Variants in NSDHL observed in about 807,000 individuals in gnomAD.
NSDHL encodes the protein sterol-4-alpha-carboxylate 3-dehydrogenase, decarboxylating.
NSDHL carries 1 observed loss-of-function variant against 23.0 expected under a neutral mutation model. The ratio of observed to expected loss-of-function variants is 0.04; its 90% CI spans 0.02 to 0.21. NSDHL has a LOEUF of 0.21. Among genes scored for constraint, NSDHL ranks in the 10% least tolerant of loss-of-function variants. The probability of loss-of-function intolerance (pLI) is 1.00; values close to 1 mark genes in which losing one functional copy is unlikely to be tolerated. For missense variants in NSDHL, 237 were observed against 300.9 expected, an observed-to-expected ratio of 0.79 and a Z score of 1.57; for synonymous variants, 128 against 121.1, an observed-to-expected ratio of 1.06 and a Z score of -0.37.
chrX:152,851,707 T>C (rs1246894316), intron 3 of NSDHL, among the ~76,000 whole-genome samples: 2 of 110,508 alleles, frequency 1.8e-5, no homozygotes, highest in African/African-American at 3.3e-5. Flanking sequence ...ACCCTCAGAC[T>C]GTACAAACCC....
rs188523350 is a variant in NSDHL at position 152,851,868 on chromosome X, C to T, written c.267+1445C>T. 1.8e-4 allele frequency among the ~76,000 whole-genome samples: 20 copies of T among 111,338 alleles called. No individual in the cohort carries two copies. The East Asian group carries it at 4.0e-3, about 22-fold the overall frequency. ...TAGATGACCCTACCAATGCCCTCGCCTCTCTCATCCTTGGCCTCCTCTCAC... is the reference window on the plus strand; with the variant it reads ...TAGATGACCCTACCAATGCCCTCGCTTCTCTCATCCTTGGCCTCCTCTCAC... On this transcript the variant is annotated intron_variant, in intron 3 of 7. Transcript: ENST00000370274.
rs1173801713 is a variant in NSDHL at position 152,858,757 on chromosome X, T to G, written c.268-13T>G. ...AGCAGGAATGATTATTTTGTCTTTC[T>G]TTGCTTTTCCAGGATCTGTACCCAG... On this transcript the variant is annotated splice_polypyrimidine_tract_variant and intron_variant, in intron 3 of 7. Coordinates refer to ENST00000370274, the MANE Select transcript of NSDHL (RefSeq NM_015922.3). 4 of 1,207,687 alleles carry G rather than the reference T, an allele frequency of 3.3e-6. No homozygotes were observed. The highest frequency in any genetic ancestry group is 3.4e-6 in the Non-Finnish European group (3 of 892,728).
chrX:152,853,977 C>A (rs1294514486), intron 3 of NSDHL, among the ~76,000 whole-genome samples: 2 of 112,541 alleles, frequency 1.8e-5, no homozygotes, highest in Non-Finnish European at 3.8e-5. Flanking sequence ...CAGAGGAAAT[C>A]TCTGAAATTT....
chrX:152,866,969 A>G lies in NSDHL; in HGVS notation c.687-602A>G, dbSNP rs782404865. On this transcript the variant is annotated intron_variant, in intron 6 of 7. Coordinates refer to ENST00000370274, the MANE Select transcript of NSDHL (RefSeq NM_015922.3). ...AGCAATGGGCCCCGGGTCAAAGGCC[A>G]GGGCTTGACTGTCCTTGCATCTGGG... is the stretch of plus-strand genomic sequence containing the variant. 8.9e-5 allele frequency among the ~76,000 whole-genome samples: 10 copies of G among 111,846 alleles called. No individual in the cohort carries two copies. In the South Asian group the frequency reaches 3.7e-3, roughly 42 times the overall value.
rs782365081 is a variant in NSDHL, at chrX:152,850,246, C to T, written c.109-19C>T. 17 of 1,207,547 alleles carry T rather than the reference C, an allele frequency of 1.4e-5. No individual in the cohort carries two copies. Among genetic ancestry groups the T allele is most frequent in the Middle Eastern group, 2.4e-4 (1 of 4,223 alleles). ...TCCTCACTACCCTGGTCTTCCCCAC[C>T]GTTCCTCTCTTTCCACAGGCCAAGA... is the stretch of plus-strand genomic sequence containing the variant. On this transcript the variant is annotated intron_variant, in intron 2 of 7. Coordinates refer to ENST00000370274, the MANE Select transcript of NSDHL (RefSeq NM_015922.3).
intron 1 of NSDHL, among the ~76,000 whole-genome samples, chrX:152,842,925 T>C (rs1315488972): frequency 8.9e-6 from 1 of 111,947 alleles, no homozygotes; most frequent in Non-Finnish European, 1.9e-5. Flanking sequence ...ACATGGTGAA[T>C]TTAGGTGAGT....
At chrX:152,835,847 T>G (rs1325222728) in intron 1 of NSDHL, among the ~76,000 whole-genome samples, 4 of 112,064 alleles carry the variant, frequency 3.6e-5, no homozygotes, top group Non-Finnish European at 7.5e-5. Flanking sequence ...AAATGGTATT[T>G]CTAGTTCTAG....
chrX:152,850,139 C>A, intron 2 of NSDHL, 126 bp from the exon 3 acceptor site: 2 of 719,337 alleles, frequency 2.8e-6, no homozygotes, highest in Non-Finnish European at 4.4e-6. Context: ...TCCAACTTGG[C>A]TCAAGAAGAG....
At chrX:152,854,131 C>T (rs1196415942) in intron 3 of NSDHL, among the ~76,000 whole-genome samples, 1 of 112,229 alleles carries the variant, frequency 8.9e-6, no homozygotes, top group African/African-American at 3.2e-5. Context: ...GCTGTTGTTG[C>T]TAGTATGTTA....
chrX:152,842,054 T>C (rs1259628827), intron 1 of NSDHL, among the ~76,000 whole-genome samples: 7 of 112,564 alleles, frequency 6.2e-5, no homozygotes, highest in Non-Finnish European at 1.3e-4. Context: ...TCATTCCTTT[T>C]TATGGCTGAA....
At chrX:152,857,862 CAT>C (rs1181634831) in intron 3 of NSDHL, among the ~76,000 whole-genome samples, 12 of 111,548 alleles carry the variant, frequency 1.1e-4, no homozygotes, top group Non-Finnish European at 1.9e-4. Flanking sequence ...AAAAAAAAAT[CAT>C]GTGATTGTAT....
At chrX:152,866,884 A>G (rs189129355) in intron 6 of NSDHL, among the ~76,000 whole-genome samples, 48 of 112,121 alleles carry the variant, frequency 4.3e-4, no homozygotes, top group Middle Eastern at 4.6e-3. Context: ...CCTCTCAGGT[A>G]GGCTGGGAAG....
At chrX:152,839,094 T>C (rs1161022343) in intron 1 of NSDHL, among the ~76,000 whole-genome samples, 1 of 112,254 alleles carries the variant, frequency 8.9e-6, no homozygotes, top group African/African-American at 3.2e-5. Flanking sequence ...GTTTAAAGTC[T>C]GTTTTATCAA....
At chrX:152,837,295 C>G (rs1933114275) in intron 1 of NSDHL, among the ~76,000 whole-genome samples, 1 of 111,690 alleles carries the variant, frequency 9.0e-6, no homozygotes. Flanking sequence ...ATTTCTTTCT[C>G]TTGCCTGATT....
intron 1 of NSDHL, among the ~76,000 whole-genome samples, chrX:152,836,849 G>C (rs1398170842): frequency 8.9e-6 from 1 of 112,148 alleles, no homozygotes; most frequent in Non-Finnish European, 1.9e-5. Context: ...GAAAGTCATT[G>C]GTAGCTTGAT....
At chrX:152,848,330 T>C (rs1015796628) in intron 2 of NSDHL, among the ~76,000 whole-genome samples, 5 of 112,246 alleles carry the variant, frequency 4.5e-5, no homozygotes, top group African/African-American at 1.6e-4. Context: ...AAAAGTTTCA[T>C]GTGATCTCCT....
At chrX:152,850,474 C>T (rs1556846134) in intron 3 of NSDHL, 51 bp downstream of exon 3, 2 of 1,101,963 alleles carry the variant, frequency 1.8e-6, no homozygotes, top group African/African-American at 1.8e-5. Context: ...CGAAGGGAAA[C>T]CACGATACTT....
intron 6 of NSDHL, among the ~76,000 whole-genome samples, chrX:152,866,775 A>ACTAATTGCATCTGCCGAGCCCC (rs1556848134): frequency 8.9e-6 from 1 of 112,647 alleles, no homozygotes; most frequent in Admixed American, 9.3e-5. Flanking sequence ...GCTCAGCTTA[A>ACTAATTGCATCTGCCGAGCCCC]CTAATTGCAT....
Position 152,867,430 on chromosome X carries a change from G to A in NSDHL, c.687-141G>A, listed in dbSNP as rs190450005. 3.1e-5 allele frequency: 16 copies of A among 520,850 alleles called. No homozygotes were observed. In the Admixed American group the frequency reaches 4.2e-4, roughly 14 times the overall value. 42.9% of individuals were successfully genotyped at this position (520,850 alleles called of 1,213,427 possible). On this transcript the variant is annotated intron_variant, in intron 6 of 7. Transcript: ENST00000370274. ...ATCTTTAACCAGTACAGGCATCCATGAGTGCCTGGGCCGGCCTTGCCAAGT... is the reference window on the plus strand; with the variant it reads ...ATCTTTAACCAGTACAGGCATCCATAAGTGCCTGGGCCGGCCTTGCCAAGT...
Sources: allele counts gnomAD v4.1 joint callset (sites outside exome capture counted in the v4.1 genomes callset), GRCh38; gene constraint gnomAD v4.1.1; transcripts MANE v1.5; gene names NCBI Gene and HGNC (gene_info 2026-07-23, HGNC 2026-07-21).